The following KCNK13 variants were observed in gnomAD, a reference collection of about 807,000 sequenced individuals.
The protein encoded by KCNK13 is potassium two pore domain channel subfamily K member 13, also known as potassium channel subfamily K member 13.
In KCNK13, 12 loss-of-function variants were observed where a neutral mutation model predicts 23.4. The observed-to-expected ratio is 0.51, with a 90% CI of 0.33 to 0.83. KCNK13 has a LOEUF of 0.83. Among genes scored for constraint, KCNK13 ranks in the 40% least tolerant of loss-of-function variants. The pLI, the probability that KCNK13 is intolerant of heterozygous loss-of-function variation, is 0.02. For synonymous variants in KCNK13, 231 were observed against 229.5 expected (o/e 1.01, Z -0.06); for missense variants, 463 against 556.3 (o/e 0.83, Z 1.69).
chr14:90,096,721 G>T (rs1889415238), intron 1 of KCNK13, among the ~76,000 whole-genome samples: 1 of 152,180 alleles, frequency 6.6e-6, no homozygotes, highest in Non-Finnish European at 1.5e-5. Flanking sequence ...ACAGTGCTAG[G>T]CCAGAAAGTG....
chr14:90,153,319 T>C (rs1448186045), intron 1 of KCNK13, among the ~76,000 whole-genome samples: 1 of 152,238 alleles, frequency 6.6e-6, no homozygotes, highest in Non-Finnish European at 1.5e-5. Flanking sequence ...ATACTGGCTC[T>C]GCTTCTTCCT....
chr14:90,184,845 A>G lies in KCNK13; in HGVS notation c.1069A>G (p.Lys357Glu), dbSNP rs1262802385. ...ISMKDLLAAN[K>E]ASLAILQKQL... ...CATGAAGGACTTGCTGGCAGCCAAC[A>G]AGGCCTCGTTGGCCATCCTGCAGAA... is the stretch of plus-strand genomic sequence containing the variant. The change falls in exon 2 of 2, where the codon AAG (lysine) becomes GAG (glutamate). Residue 357 changes from lysine to glutamate, a missense_variant. By Grantham distance (56) the Lys-to-Glu change is moderately conservative. Coordinates refer to ENST00000282146, the MANE Select transcript of KCNK13 (RefSeq NM_022054.4). The surrounding 1 kb of genome is among the most constrained non-coding windows in gnomAD (Gnocchi z 5.6). 6.2e-7 allele frequency: 1 copy of G among 1,613,886 alleles called. No homozygotes were observed. The highest frequency in any genetic ancestry group is 1.7e-5 in the Admixed American group (1 of 60,028).
intron 1 of KCNK13, among the ~76,000 whole-genome samples, chr14:90,155,138 T>G (rs1426741092): frequency 6.6e-6 from 1 of 152,060 alleles, no homozygotes; most frequent in African/African-American, 2.4e-5. Flanking sequence ...AGTTTTGAGT[T>G]TTCTTTAGGG....
rs147754177 is a variant in KCNK13 at position 90,149,934 on chromosome 14, C to T, written c.335-34177C>T. 4.4e-3 allele frequency among the ~76,000 whole-genome samples: 669 copies of T among 151,886 alleles called. 6 individuals carry two copies. The highest frequency in any genetic ancestry group is 0.015 in the African/African-American group (628 of 41,384). On this transcript the variant is annotated intron_variant, in intron 1 of 1. Transcript: ENST00000282146. Reference sequence around the variant, plus strand: ...GTGCTAGGCACTGGAGACATAACAGCGATCAAGTAATCCACAGCCCTCCAA... The same window carrying T: ...GTGCTAGGCACTGGAGACATAACAGTGATCAAGTAATCCACAGCCCTCCAA...
intron 1 of KCNK13, among the ~76,000 whole-genome samples, chr14:90,163,026 GT>G (rs537521068): frequency 1.0e-3 from 152 of 152,322 alleles, no homozygotes; most frequent in African/African-American, 3.4e-3. Flanking sequence ...CATGAAAAAT[GT>G]AGGCAATGAA....
intron 1 of KCNK13, among the ~76,000 whole-genome samples, chr14:90,079,000 C>A (rs1240837069): frequency 6.6e-6 from 1 of 152,156 alleles, no homozygotes; most frequent in Non-Finnish European, 1.5e-5. Context: ...TTACTCTATC[C>A]CGTAGAAGAG....
chr14:90,129,923 G>C (rs904337952), intron 1 of KCNK13, among the ~76,000 whole-genome samples: 2 of 152,074 alleles, frequency 1.3e-5, no homozygotes, highest in African/African-American at 4.8e-5. Context: ...GCAGAGTCAG[G>C]GAGAGCCCGA....
intron 1 of KCNK13, among the ~76,000 whole-genome samples, chr14:90,067,548 C>T (rs1889023518): frequency 6.6e-6 from 1 of 152,126 alleles, no homozygotes; most frequent in African/African-American, 2.4e-5. Context: ...GGTTGTACAA[C>T]ATTGCAATTA....
At chr14:90,159,371 G>C (rs559208427) in intron 1 of KCNK13, among the ~76,000 whole-genome samples, 2 of 152,298 alleles carry the variant, frequency 1.3e-5, no homozygotes, top group African/African-American at 4.8e-5. Flanking sequence ...CAGGACTCAG[G>C]GCCTGCCTGT....
intron 1 of KCNK13, among the ~76,000 whole-genome samples, chr14:90,171,379 T>G (rs1006971345): frequency 6.6e-6 from 1 of 152,244 alleles, no homozygotes; most frequent in Non-Finnish European, 1.5e-5. Context: ...AGGAGAGATA[T>G]CCTTACCTTG....
chr14:90,181,599 G>A (rs185421291), intron 1 of KCNK13, among the ~76,000 whole-genome samples: 5 of 152,332 alleles, frequency 3.3e-5, no homozygotes, highest in African/African-American at 9.6e-5. Flanking sequence ...GACATGTAGT[G>A]AGGGCCTTGA....
chr14:90,128,655 CT>C (rs2140421319), intron 1 of KCNK13, among the ~76,000 whole-genome samples: 1 of 152,294 alleles, frequency 6.6e-6, no homozygotes, highest in Non-Finnish European at 1.5e-5. Flanking sequence ...ACCTGTTCCT[CT>C]GAGGCCACAA....
chr14:90,147,176 A>G (rs887320103), intron 1 of KCNK13, among the ~76,000 whole-genome samples: 1 of 152,188 alleles, frequency 6.6e-6, no homozygotes, highest in South Asian at 2.1e-4. Context: ...TGTTTAAGAA[A>G]GGAGGGTATA....
chr14:90,093,522 C>T (rs1281320340), intron 1 of KCNK13, among the ~76,000 whole-genome samples: 1 of 152,152 alleles, frequency 6.6e-6, no homozygotes, highest in African/African-American at 2.4e-5. Flanking sequence ...AGTCAGGAAG[C>T]AGGATGGATG....
intron 1 of KCNK13, among the ~76,000 whole-genome samples, chr14:90,068,491 G>C (rs1889034751): frequency 6.6e-6 from 1 of 152,042 alleles, no homozygotes; most frequent in South Asian, 2.1e-4. Flanking sequence ...CCAGCTACTT[G>C]GCGGGCTGAG....
intron 1 of KCNK13, among the ~76,000 whole-genome samples, chr14:90,132,260 G>A (rs1443919459): frequency 3.3e-5 from 5 of 152,102 alleles, no homozygotes; most frequent in South Asian, 4.1e-4. Context: ...AAGTAGAATG[G>A]AGGCTGGGTG....
chr14:90,142,110 C>G (rs965847914), intron 1 of KCNK13, among the ~76,000 whole-genome samples: 2 of 151,590 alleles, frequency 1.3e-5, no homozygotes, highest in Admixed American at 6.6e-5. Context: ...TAGCTCACCC[C>G]TCCCTTCCCT....
At chr14:90,126,653 C>T (rs1276318095) in intron 1 of KCNK13, among the ~76,000 whole-genome samples, 1 of 152,124 alleles carries the variant, frequency 6.6e-6, no homozygotes, top group Admixed American at 6.5e-5. Flanking sequence ...AAGCGATTCT[C>T]CTGCCTCAGC....
intron 1 of KCNK13, among the ~76,000 whole-genome samples, chr14:90,138,359 G>A (rs1447965748): frequency 6.6e-6 from 1 of 152,018 alleles, no homozygotes; most frequent in African/African-American, 2.4e-5. Flanking sequence ...TACCATTTTG[G>A]TTTCCTAATG....
Sources: allele counts gnomAD v4.1 joint callset (sites outside exome capture counted in the v4.1 genomes callset), GRCh38; gene constraint gnomAD v4.1.1; non-coding constraint Gnocchi (gnomAD v3.1); transcripts MANE v1.5; gene names NCBI Gene and HGNC (gene_info 2026-07-23, HGNC 2026-07-21).